The following SMG6 variants were observed in gnomAD, a reference collection of about 807,000 sequenced individuals.
SMG6 encodes the protein telomerase-binding protein EST1A.
Under a neutral mutation model 142.2 loss-of-function variants are expected in SMG6, and 66 were observed. That is an observed-to-expected ratio of 0.46 (90% CI 0.38 to 0.57). SMG6 has a LOEUF of 0.57. Ranked by LOEUF, SMG6 falls within the 20% of genes least tolerant of loss-of-function variation. The pLI is 0.00. For missense variants in SMG6, 1,793 were observed against 1,832.0 expected (o/e 0.98, Z 0.39); for synonymous variants, 779 against 702.4 (o/e 1.11, Z -1.72).
chr17:2,175,504 C>G (rs1382354513), intron 12 of SMG6, among the ~76,000 whole-genome samples: 4 of 152,138 alleles, frequency 2.6e-5, no homozygotes, highest in Non-Finnish European at 5.9e-5. Context: ...TTACCATGCT[C>G]TCCTGTCCCC....
intron 10 of SMG6, among the ~76,000 whole-genome samples, chr17:2,202,476 C>T (rs775092848): frequency 7.2e-5 from 11 of 151,882 alleles, no homozygotes; most frequent in Non-Finnish European, 1.2e-4. Context: ...CACTTGAGCC[C>T]GGAAGTTCAA....
At chr17:2,070,068 C>T (rs182707895) in intron 15 of SMG6, among the ~76,000 whole-genome samples, 3 of 152,286 alleles carry the variant, frequency 2.0e-5, no homozygotes, top group East Asian at 1.9e-4. Context: ...ACTGTCCCAC[C>T]GCCTCCTCTA....
intron 8 of SMG6, among the ~76,000 whole-genome samples, chr17:2,248,133 T>C (rs1290764328): frequency 6.6e-6 from 1 of 151,894 alleles, no homozygotes; most frequent in East Asian, 1.9e-4. Flanking sequence ...AATAAAAAGA[T>C]ACTAACCCAC....
In SMG6 at chr17:2,283,615, C is replaced by T. The variant is rs368935937; in HGVS notation, c.2448+10G>A. 7.5e-6 allele frequency: 12 copies of T among 1,604,776 alleles called. No individual in the cohort carries two copies. Among genetic ancestry groups the T allele is most frequent in the South Asian group, 2.2e-5 (2 of 90,902 alleles). On this transcript the variant is annotated intron_variant, in intron 7 of 18. Transcript: ENST00000263073. Reference sequence around the variant, plus strand: ...CGAGGAAGGAAGGGTTCTGCCACATCCCCACTCACCTTCCGCTTGGTCTCT... The same window carrying T: ...CGAGGAAGGAAGGGTTCTGCCACATTCCCACTCACCTTCCGCTTGGTCTCT...
chr17:2,092,507 T>C (rs566966173), intron 13 of SMG6, among the ~76,000 whole-genome samples: 2 of 152,234 alleles, frequency 1.3e-5, no homozygotes, highest in African/African-American at 4.8e-5. Flanking sequence ...CTGAAGTCTC[T>C]TAGAGAAGGG....
chr17:2,162,444 G>T (rs1440433127), intron 13 of SMG6, among the ~76,000 whole-genome samples: 1 of 150,138 alleles, frequency 6.7e-6, no homozygotes, highest in African/African-American at 2.5e-5. Context: ...AACCCAGGAG[G>T]TGGAGCTTGC....
At chr17:2,151,357 T>A (rs1446196508) in intron 13 of SMG6, among the ~76,000 whole-genome samples, 1 of 152,246 alleles carries the variant, frequency 6.6e-6, no homozygotes, top group Non-Finnish European at 1.5e-5. Flanking sequence ...TGTACTTTCA[T>A]GAGCAGAAAA....
At chr17:2,153,423 A>G (rs942659975) in intron 13 of SMG6, among the ~76,000 whole-genome samples, 15 of 152,252 alleles carry the variant, frequency 9.9e-5, no homozygotes, top group East Asian at 1.9e-4. Flanking sequence ...AAAATGGTCT[A>G]TATCTTAATT....
At chr17:2,142,713 G>A (rs997747362) in intron 13 of SMG6, among the ~76,000 whole-genome samples, 12 of 151,246 alleles carry the variant, frequency 7.9e-5, no homozygotes, top group Non-Finnish European at 1.3e-4. Flanking sequence ...GAGAAACCCC[G>A]TCTCTACTAA....
chr17:2,077,240 G>A (rs964342269), intron 15 of SMG6, among the ~76,000 whole-genome samples: 6 of 152,166 alleles, frequency 3.9e-5, no homozygotes, highest in African/African-American at 7.2e-5. Context: ...CATGCCTCCC[G>A]ATTCCAAGGA....
At chr17:2,279,285 A>C (rs1263227791) in intron 8 of SMG6, among the ~76,000 whole-genome samples, 2 of 152,248 alleles carry the variant, frequency 1.3e-5, no homozygotes, top group East Asian at 1.9e-4. Context: ...GGATCCTTCA[A>C]GGAAGAAGCC....
chr17:2,084,939 CCA>C (rs1364994201), intron 14 of SMG6, among the ~76,000 whole-genome samples: 2 of 152,178 alleles, frequency 1.3e-5, no homozygotes, highest in Non-Finnish European at 1.5e-5. Flanking sequence ...CACTCAGAAC[CCA>C]CAGAGAGCAG....
At chr17:2,105,115 T>C (rs914218503) in intron 13 of SMG6, among the ~76,000 whole-genome samples, 2 of 131,892 alleles carry the variant, frequency 1.5e-5, no homozygotes, top group African/African-American at 3.2e-5. Flanking sequence ...TTTGTAGAGA[T>C]GGGGTCTCAC....
Position 2,282,787 on chromosome 17 carries a change from A to G in SMG6, c.2521T>C (p.Ser841Pro). The G allele has an allele frequency of 6.2e-7, 1 of 1,614,102 alleles. No homozygotes were observed. Among genetic ancestry groups the G allele is most frequent in the Non-Finnish European group, 8.5e-7 (1 of 1,180,028 alleles). Residue 841 changes from serine to proline, a missense_variant, in exon 8 of 19, where the codon TCT becomes CCT. Physicochemically the swap from Ser to Pro is moderately conservative, Grantham distance 74. This residue lies in a region of SMG6 where 1,597 missense variants were observed against 1,584.6 expected (regional missense o/e 1.01). Coordinates refer to ENST00000263073, the MANE Select transcript of SMG6 (RefSeq NM_017575.5). ...TCATCTCCAACATGCCGGAAAGTAG[A>G]CTTCTTTCCTTTCCGCCACTGGTCA... ...SPDQWRKGKK[S>P]TFRHVGDDTT...
At chr17:2,218,868 A>G (rs553446911) in intron 10 of SMG6, among the ~76,000 whole-genome samples, 6 of 152,278 alleles carry the variant, frequency 3.9e-5, no homozygotes, top group Admixed American at 1.3e-4. Flanking sequence ...TGACTGTAAC[A>G]AATGTCCCAC....
chr17:2,065,884 G>A, intron 16 of SMG6: 1 of 591,584 alleles, frequency 1.7e-6, no homozygotes, highest in East Asian at 2.8e-5. Flanking sequence ...CTCCCTTTCT[G>A]TCTCTTCTCC....
chr17:2,252,121 GAAAA>G (rs2074059510), intron 8 of SMG6, among the ~76,000 whole-genome samples: 1 of 149,352 alleles, frequency 6.7e-6, no homozygotes, highest in African/African-American at 2.5e-5. Flanking sequence ...GGAAAAAAAA[GAAAA>G]GAAGGAGGCC....
chr17:2,066,323 CATGT>C (rs2067945791), intron 16 of SMG6, among the ~76,000 whole-genome samples: 1 of 150,870 alleles, frequency 6.6e-6, no homozygotes, highest in Non-Finnish European at 1.5e-5. Flanking sequence ...TGTGTGTGTA[CATGT>C]GTGTATGTGT....
At chr17:2,087,442 G>A (rs183455574) in intron 13 of SMG6, 2 of 1,134,150 alleles carry the variant, frequency 1.8e-6, no homozygotes, top group East Asian at 6.3e-5. Flanking sequence ...ACACGGTCTA[G>A]GAGTGTTCTC....
Sources: gnomAD v4.1 joint callset for allele counts (sites outside exome capture counted in the v4.1 genomes callset) on GRCh38, gnomAD v4.1.1 for gene constraint, gnomAD v4.1.1 regional missense constraint, MANE v1.5 for transcripts, NCBI Gene and HGNC (gene_info 2026-07-23, HGNC 2026-07-21) for gene names.